UGT2B4: variants seen among roughly 807,000 people sequenced by gnomAD.
UGT2B4 encodes UDP-glucuronosyltransferase 2B4.
Under a neutral mutation model 49.8 loss-of-function variants are expected in UGT2B4, and 49 were observed. That is an observed-to-expected ratio of 0.98 (90% CI 0.78 to 1.25). The LOEUF (loss-of-function observed/expected upper bound fraction) is 1.25, where lower values mean the gene tolerates loss of function less well. UGT2B4 is among the 50% of genes most tolerant of loss of function. The probability of loss-of-function intolerance (pLI) is 0.00; values close to 1 mark genes in which losing one functional copy is unlikely to be tolerated. For synonymous variants in UGT2B4, 246 were observed against 217.7 expected (o/e 1.13, Z -1.14); for missense variants, 729 against 627.7 (o/e 1.16, Z -1.73).
chr4:69,519,886 TA>T (rs2109833665), intron 1 of UGT2B4, among the ~76,000 whole-genome samples: 1 of 152,316 alleles, frequency 6.6e-6, no homozygotes, highest in Non-Finnish European at 1.5e-5. Context: ...GATGAATGCA[TA>T]AATGACTATT....
intron 1 of UGT2B4, among the ~76,000 whole-genome samples, chr4:69,511,126 G>A (rs1334322375): frequency 1.3e-5 from 2 of 151,342 alleles, no homozygotes; most frequent in East Asian, 3.9e-4. Context: ...CGAGTAGCTG[G>A]GATTACAAGT....
intron 3 of UGT2B4, among the ~76,000 whole-genome samples, chr4:69,488,382 C>A (rs781364387): frequency 1.3e-5 from 2 of 150,910 alleles, no homozygotes; most frequent in Non-Finnish European, 3.0e-5. Flanking sequence ...ATTTTGGAAC[C>A]CCCAAGGAAT....
At chr4:69,520,603 G>A (rs1050846350) in intron 1 of UGT2B4, among the ~76,000 whole-genome samples, 1 of 152,248 alleles carries the variant, frequency 6.6e-6, no homozygotes, top group African/African-American at 2.4e-5. Flanking sequence ...GCAAAGTTGT[G>A]TCCAAGCCTG....
At chr4:69,500,609 GA>G (rs1488753883), upstream of UGT2B4, among the ~76,000 whole-genome samples, 1 of 97,294 alleles carries the variant, frequency 1.0e-5, no homozygotes, top group African/African-American at 3.7e-5. Context: ...AAGCAAGGAA[GA>G]AAGAAAGAAA....
At chr4:69,486,788 A>G (rs1394887672) in intron 3 of UGT2B4, 92 bp from the exon 4 acceptor site, 23 of 926,658 alleles carry the variant, frequency 2.5e-5, no homozygotes, top group Non-Finnish European at 3.8e-5. Context: ...TGAGAAGAAC[A>G]AGGGATGTTA....
intron 1 of UGT2B4, among the ~76,000 whole-genome samples, chr4:69,520,894 A>C (rs959283820): frequency 1.6e-4 from 24 of 152,144 alleles, no homozygotes; most frequent in Non-Finnish European, 4.4e-5. Context: ...GGGCACCCTA[A>C]AGCCTAGGGG....
intron 3 of UGT2B4, among the ~76,000 whole-genome samples, chr4:69,487,692 G>A (rs559752472): frequency 1.3e-5 from 2 of 151,972 alleles, no homozygotes; most frequent in Non-Finnish European, 2.9e-5. Flanking sequence ...CAAACCCCAA[G>A]ACATAAGTTT....
chr4:69,493,646 T>C, intron 2 of UGT2B4, 47 bp downstream of exon 2: 1 of 1,576,794 alleles, frequency 6.3e-7, no homozygotes, highest in Non-Finnish European at 8.6e-7. Context: ...TATAGAACCA[T>C]TCGTACTGAA....
chr4:69,495,631 A>G lies in UGT2B4; in HGVS notation c.231T>C (p.Tyr77=). Reference sequence around the variant, plus strand: ...ACTCAGTTTTAGTTAAAGATACAGGATAAACTTCAAATTTAAGAGTAGATG... The same window carrying G: ...ACTCAGTTTTAGTTAAAGATACAGGGTAAACTTCAAATTTAAGAGTAGATG... ...NSPSTLKFEV[Y]PVSLTKTEFE... is the part of the protein sequence containing the mutation. Residue 77 remains tyrosine (Y), a synonymous_variant, in exon 1 of 6, where the codon TAT becomes TAC. Transcript: ENST00000305107. The G allele has an allele frequency of 6.2e-7, 1 of 1,613,998 alleles. No homozygotes were observed.
At chr4:69,518,247 G>C (rs6817627) in intron 1 of UGT2B4, 3 of 152,324 alleles carry the variant, frequency 2.0e-5, no homozygotes, top group African/African-American at 7.3e-5. Context: ...ACTGTTACCT[G>C]GTGACCCCTC....
chr4:69,520,883 G>T (rs1191590611), intron 1 of UGT2B4, among the ~76,000 whole-genome samples: 1 of 152,160 alleles, frequency 6.6e-6, no homozygotes, highest in Non-Finnish European at 1.5e-5. Context: ...CTTCAAGCTA[G>T]GGGCACCCTA....
At chr4:69,525,697 C>G in exon 1 of UGT2B4, 1 of 1,279,466 alleles carries the variant, frequency 7.8e-7, no homozygotes, top group Non-Finnish European at 1.0e-6. Context: ...CTAATCCATT[C>G]GTTGATGAGA....
At chr4:69,501,523 G>C (rs1035926765) in intron 1 of UGT2B4, among the ~76,000 whole-genome samples, 1 of 152,142 alleles carries the variant, frequency 6.6e-6, no homozygotes, top group Non-Finnish European at 1.5e-5. Context: ...GATGACTGGG[G>C]TGAAAGTGAT....
intron 1 of UGT2B4, among the ~76,000 whole-genome samples, chr4:69,513,999 T>C (rs1461944497): frequency 7.8e-6 from 1 of 128,124 alleles, no homozygotes; most frequent in East Asian, 2.1e-4. Context: ...TTTTATTTTA[T>C]TTTTTTTTAA....
chr4:69,508,721 G>A (rs1312006746), intron 1 of UGT2B4, among the ~76,000 whole-genome samples: 2 of 152,116 alleles, frequency 1.3e-5, no homozygotes, highest in Non-Finnish European at 1.5e-5. Context: ...AGAGCGGGAG[G>A]AGGGAGAGGA....
chr4:69,503,328 A>G (rs1728391105), intron 1 of UGT2B4, among the ~76,000 whole-genome samples: 1 of 151,844 alleles, frequency 6.6e-6, no homozygotes, highest in Non-Finnish European at 1.5e-5. Context: ...TGACTGGAGA[A>G]CTCCAGCAAG....
chr4:69,486,395 T>C (rs549111297), intron 4 of UGT2B4, among the ~76,000 whole-genome samples: 1 of 152,150 alleles, frequency 6.6e-6, no homozygotes. Context: ...GAAATAAAGA[T>C]ACTCTGACTC....
intron 5 of UGT2B4, 131 bp downstream of exon 5, chr4:69,485,077 G>A (rs1030847536): frequency 4.0e-5 from 45 of 1,134,140 alleles, no homozygotes; most frequent in African/African-American, 9.6e-5. Flanking sequence ...AATAAAAGCA[G>A]ATTTCAGATT....
At chr4:69,502,114 T>TTTCTTTCTTTCTTTC (rs1728343229) in intron 1 of UGT2B4, among the ~76,000 whole-genome samples, 41 of 128,904 alleles carry the variant, frequency 3.2e-4, no homozygotes, top group Middle Eastern at 3.8e-3. Context: ...TCTTTCTTTC[T>TTTCTTTCTTTCTTTC]TTCTTTCTTT....
Sources: allele counts gnomAD v4.1 joint callset (sites outside exome capture counted in the v4.1 genomes callset), GRCh38; gene constraint gnomAD v4.1.1; transcripts MANE v1.5; gene names NCBI Gene and HGNC (gene_info 2026-07-23, HGNC 2026-07-21).